SLC23A1: variants seen among roughly 807,000 people sequenced by gnomAD.
SLC23A1 encodes Na(+)/L-ascorbic acid transporter 1.
Under a neutral mutation model 62.5 loss-of-function variants are expected in SLC23A1, and 31 were observed. The observed-to-expected ratio is 0.50, with a 90% CI of 0.37 to 0.67. SLC23A1 has a LOEUF of 0.67. SLC23A1 is among the 30% of genes least tolerant of loss of function. The pLI is 0.00. For missense variants in SLC23A1, 640 were observed against 782.7 expected, an observed-to-expected ratio of 0.82 and a Z score of 2.18; for synonymous variants, 271 against 313.2, an observed-to-expected ratio of 0.87 and a Z score of 1.42.
At chr5:139,372,868 C>T (rs894996800) in intron 13 of SLC23A1, among the ~76,000 whole-genome samples, 2 of 152,080 alleles carry the variant, frequency 1.3e-5, no homozygotes, top group Non-Finnish European at 2.9e-5. Flanking sequence ...TAAGCGTGAG[C>T]CACTGTGCCC....
chr5:139,381,884 C>G lies in SLC23A1; in HGVS notation c.308+8G>C, dbSNP rs533085278. ...GCGGGGGACGGGTTGGGGGGCTGGG[C>G]GGCTCACCGGATGCCCACGGTGGTC... On this transcript the variant is annotated splice_region_variant and intron_variant, in intron 3 of 14. Transcript: ENST00000348729. 1.9e-6 allele frequency: 3 copies of G among 1,550,138 alleles called. No homozygotes were observed. Among genetic ancestry groups the G allele is most frequent in the Non-Finnish European group, 1.7e-6 (2 of 1,146,940 alleles).
chr5:139,373,607 A>G (rs928244450), intron 13 of SLC23A1, among the ~76,000 whole-genome samples: 1 of 152,212 alleles, frequency 6.6e-6, no homozygotes, highest in Admixed American at 6.5e-5. Flanking sequence ...GGGAATTTCC[A>G]CTTGCTGGCA....
chr5:139,379,711 C>T lies in SLC23A1; in HGVS notation c.892G>A (p.Ala298Thr), dbSNP rs374118860. The change falls in exon 8 of 15, where the codon GCT becomes ACT. Residue 298 changes from alanine to threonine, a missense_variant. Coordinates refer to ENST00000348729, the MANE Select transcript of SLC23A1 (RefSeq NM_005847.5). This position sits in a 1 kb window ranked among gnomAD's most constrained non-coding sequence, Gnocchi z 4.7. Reference protein sequence around the residue: ...ARTDARGDIMAIAPWIRIPYP... With the variant: ...ARTDARGDIMTIAPWIRIPYP... ...GGGATGCGGATCCAGGGTGCAATAG[C>T]CATGATGTCACCACGGGCATCGGTT... is the stretch of plus-strand genomic sequence containing the variant. 20 of 1,613,898 alleles carry T rather than the reference C, an allele frequency of 1.2e-5. No homozygotes were observed. The highest frequency in any genetic ancestry group is 1.7e-5 in the Non-Finnish European group (20 of 1,179,956).
Position 139,380,567 on chromosome 5 carries a change from C to G in SLC23A1, c.463G>C (p.Glu155Gln). Residue 155 changes from glutamate to glutamine, a missense_variant and splice_region_variant, in exon 5 of 15, where the codon GAG becomes CAG. Transcript: ENST00000348729. ...TSHIWHPRIREVQGAIMVSSV... is the reference protein window; with the variant it reads ...TSHIWHPRIRQVQGAIMVSSV... ...TCTATGCTTACATGCAAACCCACCT[C>G]CCGTATCCGTGGGTGCCAAATATGA... 1 of 1,613,874 alleles carries G rather than the reference C, an allele frequency of 6.2e-7. No individual in the cohort carries two copies. The highest frequency in any genetic ancestry group is 8.5e-7 in the Non-Finnish European group (1 of 1,179,766).
chr5:139,373,154 G>C (rs34460201), intron 13 of SLC23A1, among the ~76,000 whole-genome samples: 1 of 45,088 alleles, frequency 2.2e-5, no homozygotes, highest in African/African-American at 3.5e-5. Context: ...CAAATAATTT[G>C]TTTTTTTGTG....
rs775575982 is a variant in SLC23A1, at chr5:139,379,666, G to A, written c.925+12C>T. The A allele has an allele frequency of 6.2e-7, 1 of 1,604,452 alleles. No homozygotes were observed. On this transcript the variant is annotated intron_variant, in intron 8 of 14. Coordinates refer to ENST00000348729, the MANE Select transcript of SLC23A1 (RefSeq NM_005847.5). The surrounding 1 kb of genome is among the most constrained non-coding windows in gnomAD (Gnocchi z 4.7). ...CAGTTGGGGGCAGAGGGGCCCAAGG[G>A]GTGTTGCTCACAGGGGTAGGGGATG...
Position 139,380,258 on chromosome 5 carries a change from G to A in SLC23A1, c.597C>T (p.Val199=), listed in dbSNP as rs200969580. ...TPTVSLIGLS[V]FQAAGDRAGS... ...CAGCTCGGTCGCCAGCAGCTTGGAA[G>A]ACAGAAAGGCCAATGAGGGAGACAG... The change falls in exon 6 of 15, where the codon GTC becomes GTT. Residue 199 remains valine (V), a synonymous_variant. Transcript: ENST00000348729. 4.4e-6 allele frequency: 7 copies of A among 1,576,428 alleles called. No individual in the cohort carries two copies. The African/African-American group carries it at 8.1e-5, about 18-fold the overall frequency.
chr5:139,372,994 A>G (rs933589285), intron 13 of SLC23A1, among the ~76,000 whole-genome samples: 8 of 152,172 alleles, frequency 5.3e-5, no homozygotes, highest in African/African-American at 1.7e-4. Flanking sequence ...TCAAGTCCAG[A>G]TTGCGTTCTG....
Position 139,381,877 on chromosome 5 carries a change from G to A in SLC23A1, c.308+15C>T, listed in dbSNP as rs1758282798. On this transcript the variant is annotated intron_variant, in intron 3 of 14. Transcript: ENST00000348729. Reference sequence around the variant, plus strand: ...AGGGGTGGCGGGGGACGGGTTGGGGGGCTGGGCGGCTCACCGGATGCCCAC... The same window carrying A: ...AGGGGTGGCGGGGGACGGGTTGGGGAGCTGGGCGGCTCACCGGATGCCCAC... 1 of 1,548,490 alleles carries A rather than the reference G, an allele frequency of 6.5e-7. No homozygotes were observed. The highest frequency in any genetic ancestry group is 1.2e-5 in the South Asian group (1 of 83,908).
chr5:139,380,107 TG>T, intron 6 of SLC23A1, 31 bp from the exon 7 acceptor site: 1 of 1,592,854 alleles, frequency 6.3e-7, no homozygotes, highest in Non-Finnish European at 8.6e-7. Flanking sequence ...AGGAAGTGGA[TG>T]GGAGGCCAGG....
At chr5:139,369,252 G>A (rs1406069981) in intron 14 of SLC23A1, 1 of 153,390 alleles carries the variant, frequency 6.5e-6, no homozygotes, top group African/African-American at 2.4e-5. Flanking sequence ...TAGTTAATTT[G>A]AGATAATTTG....
chr5:139,380,409 C>T lies in SLC23A1; in HGVS notation c.466-20G>A. On this transcript the variant is annotated intron_variant, in intron 5 of 14. Coordinates refer to ENST00000348729, the MANE Select transcript of SLC23A1 (RefSeq NM_005847.5). ...CTGGACCTGGAAGGGCAAACATCAG[C>T]CGTAAGTCACCATGTAAAGGTCATG... 6.2e-7 allele frequency: 1 copy of T among 1,613,248 alleles called. No individual in the cohort carries two copies. Among genetic ancestry groups the T allele is most frequent in the Non-Finnish European group, 8.5e-7 (1 of 1,179,622 alleles).
chr5:139,379,931 C>A lies in SLC23A1; in HGVS notation c.768+25G>T. The A allele has an allele frequency of 6.2e-7, 1 of 1,614,104 alleles. No individual in the cohort carries two copies. On this transcript the variant is annotated intron_variant, in intron 7 of 14. Transcript: ENST00000348729. This position sits in a 1 kb window ranked among gnomAD's most constrained non-coding sequence, Gnocchi z 4.7. ...GCCCAAGCCCTGGCCATAGTCCCAG[C>A]CCCAGCCGCCTGCCAGGTCCTCACA...
chr5:139,377,359 G>T, intron 13 of SLC23A1, 43 bp downstream of exon 13: 1 of 1,077,386 alleles, frequency 9.3e-7, no homozygotes. Context: ...GAGTGCATGA[G>T]TCCAGCCTAG....
rs1192502654 is a variant in SLC23A1, at chr5:139,372,195, G to T, written c.1608C>A (p.Asp536Glu). 4 of 1,613,040 alleles carry T rather than the reference G, an allele frequency of 2.5e-6. No individual in the cohort carries two copies. The highest frequency in any genetic ancestry group is 3.4e-6 in the Non-Finnish European group (4 of 1,179,066). The change falls in exon 14 of 15, where the codon GAC (aspartate) becomes GAA (glutamate). Residue 536 changes from aspartate to glutamate, a missense_variant. By Grantham distance (45) the Asp-to-Glu change is conservative (BLOSUM62 2). Transcript: ENST00000348729. ...CGTAGCTCTTGAGGCTGGAAGACAT[G>T]TCACTGTTGGCATGAGCCCCAGCTT... ...QWKAGAHANSDMSSSLKSYDF... is the reference protein window; with the variant it reads ...QWKAGAHANSEMSSSLKSYDF...
rs781194530 is a variant in SLC23A1, at chr5:139,380,196, G to A, written c.647+12C>T. On this transcript the variant is annotated intron_variant, in intron 6 of 14. Coordinates refer to ENST00000348729, the MANE Select transcript of SLC23A1 (RefSeq NM_005847.5). The stretch of plus-strand genomic sequence containing the variant: ...TGGGGCTGGGCAGGGATCAGGCCTG[G>A]TGCCTGCTCACCAAGCTGAGATGCC... 3.2e-6 allele frequency: 5 copies of A among 1,556,514 alleles called. No homozygotes were observed. Among genetic ancestry groups the A allele is most frequent in the Non-Finnish European group, 4.3e-6 (5 of 1,149,636 alleles).
chr5:139,379,223 C>T lies in SLC23A1; in HGVS notation c.1057G>A (p.Val353Ile). ...GTAGGCTACCTGTTGATAGCATGTA[C>T]TGGAGGGGGTGGTGCACCAGCCAGG... ...ARLAGAPPPP[V>I]HAINRGIFTE... The change falls in exon 9 of 15, where the codon GTA becomes ATA. Residue 353 changes from valine (V) to isoleucine (I), a missense_variant. Physicochemically the swap from Val to Ile is conservative, Grantham distance 29. Transcript: ENST00000348729. This position sits in a 1 kb window ranked among gnomAD's most constrained non-coding sequence, Gnocchi z 4.7. 3.7e-6 allele frequency: 6 copies of T among 1,614,150 alleles called. No individual in the cohort carries two copies. Among genetic ancestry groups the T allele is most frequent in the Non-Finnish European group, 5.1e-6 (6 of 1,180,016 alleles).
chr5:139,381,885 G>A lies in SLC23A1; in HGVS notation c.308+7C>T, dbSNP rs747893599. ...CGGGGGACGGGTTGGGGGGCTGGGC[G>A]GCTCACCGGATGCCCACGGTGGTCT... On this transcript the variant is annotated splice_region_variant and intron_variant, in intron 3 of 14. Coordinates refer to ENST00000348729, the MANE Select transcript of SLC23A1 (RefSeq NM_005847.5). 65 of 1,551,076 alleles carry A rather than the reference G, an allele frequency of 4.2e-5. No individual in the cohort carries two copies. Among genetic ancestry groups the A allele is most frequent in the East Asian group, 2.7e-4 (11 of 41,192 alleles).
intron 13 of SLC23A1, among the ~76,000 whole-genome samples, chr5:139,372,877 C>T (rs1012102542): frequency 1.1e-4 from 16 of 152,094 alleles, no homozygotes; most frequent in Admixed American, 9.2e-4. Flanking sequence ...GCCACTGTGC[C>T]CGGCCTATAC....
Sources: gnomAD v4.1 joint callset for allele counts (sites outside exome capture counted in the v4.1 genomes callset) on GRCh38, gnomAD v4.1.1 for gene constraint, Gnocchi (gnomAD v3.1) non-coding constraint, MANE v1.5 for transcripts, NCBI Gene and HGNC (gene_info 2026-07-23, HGNC 2026-07-21) for gene names.